CLASP1: variants seen among roughly 807,000 people sequenced by gnomAD.
CLASP1 encodes cytoplasmic linker associated protein 1, also known as CLIP-associating protein 1.
In CLASP1, 38 loss-of-function variants were observed where a neutral mutation model predicts 192.3. The observed-to-expected ratio is 0.20, with a 90% CI of 0.15 to 0.26. CLASP1 has a LOEUF of 0.26. CLASP1 is among the 10% of genes least tolerant of loss of function. CLASP1 has a pLI of 1.00. For missense variants in CLASP1, 1,433 were observed against 1,932.5 expected, an observed-to-expected ratio of 0.74 and a Z score of 4.85; for synonymous variants, 691 against 712.8, an observed-to-expected ratio of 0.97 and a Z score of 0.49.
chr2:121,395,213 G>A (rs2149427235), intron 30 of CLASP1, among the ~76,000 whole-genome samples: 1 of 152,158 alleles, frequency 6.6e-6, no homozygotes, highest in East Asian at 1.9e-4. Context: ...AGGACCCAGA[G>A]AACACATGTC....
At chr2:121,482,923 G>C (rs2092701531) in intron 8 of CLASP1, among the ~76,000 whole-genome samples, 1 of 152,138 alleles carries the variant, frequency 6.6e-6, no homozygotes, top group Non-Finnish European at 1.5e-5. Context: ...GATGAAAACA[G>C]ACAGAGCCTT....
At chr2:121,508,628 T>A (rs1249805675) in intron 7 of CLASP1, among the ~76,000 whole-genome samples, 3 of 152,188 alleles carry the variant, frequency 2.0e-5, no homozygotes, top group African/African-American at 4.8e-5. Context: ...TTATTTTTTT[T>A]ATAAAAGATG....
chr2:121,364,964 C>T, intron 36 of CLASP1, 130 bp downstream of exon 37: 1 of 858,564 alleles, frequency 1.2e-6, no homozygotes, highest in Non-Finnish European at 1.9e-6. Context: ...GAAAAATGAA[C>T]AAATAAATGT....
intron 7 of CLASP1, among the ~76,000 whole-genome samples, chr2:121,515,290 CTTCA>C (rs1280015483): frequency 2.6e-5 from 4 of 152,146 alleles, no homozygotes; most frequent in Non-Finnish European, 2.9e-5. Context: ...TCTGGAATGG[CTTCA>C]TTCATTCAAA....
chr2:121,453,797 G>A (rs116342796), intron 14 of CLASP1, among the ~76,000 whole-genome samples: 1 of 152,342 alleles, frequency 6.6e-6, no homozygotes, highest in African/African-American at 2.4e-5. Context: ...GTCAGAGTGT[G>A]TGTAATCCAT....
chr2:121,581,066 GAAGA>G, intron 2 of CLASP1, among the ~76,000 whole-genome samples: 1 of 152,070 alleles, frequency 6.6e-6, no homozygotes. Context: ...CGTGAGGAAG[GAAGA>G]TTCACTTTGT....
At chr2:121,407,862 G>T in intron 24 of CLASP1, 147 bp from the exon 26 acceptor site, 1 of 997,692 alleles carries the variant, frequency 1.0e-6, no homozygotes, top group Non-Finnish European at 1.6e-6. Context: ...TTATAGATTA[G>T]GGAAATAAAA....
At chr2:121,628,545 G>A (rs774529256) in intron 1 of CLASP1, among the ~76,000 whole-genome samples, 37 of 151,852 alleles carry the variant, frequency 2.4e-4, no homozygotes, top group Admixed American at 5.9e-4. Context: ...GCATGGTGGT[G>A]CACGCCTGTA....
intron 1 of CLASP1, among the ~76,000 whole-genome samples, chr2:121,634,878 T>C (rs933355013): frequency 2.0e-5 from 3 of 152,126 alleles, no homozygotes; most frequent in Non-Finnish European, 2.9e-5. Flanking sequence ...TTAGACAAAA[T>C]ATATGCACAA....
chr2:121,340,994 G>C (rs2062712585), intron 39 of CLASP1, 47 bp from the exon 41 acceptor site: 3 of 1,322,828 alleles, frequency 2.3e-6, no homozygotes, highest in South Asian at 2.5e-5. Flanking sequence ...AAAGCAATCA[G>C]AAAGTAGAAA....
intron 2 of CLASP1, among the ~76,000 whole-genome samples, chr2:121,537,646 A>T (rs1480216417): frequency 2.0e-5 from 3 of 152,236 alleles, no homozygotes; most frequent in Non-Finnish European, 4.4e-5. Context: ...CTAATTACCA[A>T]CCTATAATTC....
In CLASP1 at chr2:121,495,736, G is replaced by T. The variant is rs116599664; in HGVS notation, c.712+7431C>A. Among the ~76,000 whole-genome samples, 746 of 152,258 alleles carry T rather than the reference G, an allele frequency of 4.9e-3. 9 individuals carry two copies. The highest frequency in any genetic ancestry group is 0.017 in the African/African-American group (723 of 41,558). On this transcript the variant is annotated intron_variant, in intron 8 of 39. Transcript: ENST00000263710. ...TTAAATGCATACTCCAAAATAATCT[G>T]AAAATCTACAAGTATGACAGTTATT...
intron 7 of CLASP1, among the ~76,000 whole-genome samples, chr2:121,510,328 A>T (rs1422004754): frequency 6.6e-6 from 1 of 152,238 alleles, no homozygotes; most frequent in African/African-American, 2.4e-5. Context: ...CAAAGGCTCA[A>T]ATTAATGAAA....
intron 23 of CLASP1, among the ~76,000 whole-genome samples, chr2:121,414,752 T>C: frequency 6.6e-6 from 1 of 152,144 alleles, no homozygotes; most frequent in African/African-American, 2.4e-5. Context: ...GTCAAAATGT[T>C]TGTTGTTCTG....
intron 2 of CLASP1, among the ~76,000 whole-genome samples, chr2:121,537,341 G>A (rs1178414886): frequency 6.6e-6 from 1 of 151,834 alleles, no homozygotes; most frequent in Non-Finnish European, 1.5e-5. Context: ...GCAGTGAGCC[G>A]TGATCTTGTC....
At chr2:121,341,844 CAAA>C (rs1387496313) in intron 39 of CLASP1, among the ~76,000 whole-genome samples, 4 of 152,140 alleles carry the variant, frequency 2.6e-5, no homozygotes, top group African/African-American at 9.7e-5. Flanking sequence ...CATTAAGTTT[CAAA>C]TCTATTGAAA....
chr2:121,420,332 C>G (rs930889465), intron 22 of CLASP1, among the ~76,000 whole-genome samples: 1 of 152,206 alleles, frequency 6.6e-6, no homozygotes, highest in Non-Finnish European at 1.5e-5. Context: ...ACAATGATGA[C>G]AAAAGGAGAT....
intron 2 of CLASP1, among the ~76,000 whole-genome samples, chr2:121,547,134 C>G (rs2057519359): frequency 6.6e-6 from 1 of 152,152 alleles, no homozygotes; most frequent in Admixed American, 6.5e-5. Flanking sequence ...TATGTGGGTA[C>G]CCATTCCCAC....
chr2:121,360,729 A>T (rs1375335816), intron 37 of CLASP1, among the ~76,000 whole-genome samples: 1 of 152,238 alleles, frequency 6.6e-6, no homozygotes, highest in Non-Finnish European at 1.5e-5. Context: ...CTCCAAGGGC[A>T]ATGAGTCAAG....
Sources: gnomAD v4.1 joint callset for allele counts (sites outside exome capture counted in the v4.1 genomes callset) on GRCh38, gnomAD v4.1.1 for gene constraint, MANE v1.5 for transcripts, NCBI Gene and HGNC (gene_info 2026-07-23, HGNC 2026-07-21) for gene names.